PIWIL2: variants seen among roughly 807,000 people sequenced by gnomAD.
PIWIL2 encodes piwi like RNA-mediated gene silencing 2.
A neutral mutation model predicts 116.5 loss-of-function variants in PIWIL2; 81 were observed. The observed-to-expected ratio is 0.70, with a 90% CI of 0.58 to 0.84. The LOEUF is 0.84. Among genes scored for constraint, PIWIL2 ranks in the 40% least tolerant of loss-of-function variants. The probability of loss-of-function intolerance (pLI) is 0.00; values close to 1 mark genes in which losing one functional copy is unlikely to be tolerated. For synonymous variants in PIWIL2, 489 were observed against 429.5 expected (o/e 1.14, Z -1.71); for missense variants, 1,272 against 1,212.3 (o/e 1.05, Z -0.73).
chr8:22,282,684 A>C (rs1194587246), intron 4 of PIWIL2, among the ~76,000 whole-genome samples: 1 of 151,730 alleles, frequency 6.6e-6, no homozygotes, highest in East Asian at 1.9e-4. Context: ...TCGACCTCCC[A>C]GGCTGAAGTG....
intron 20 of PIWIL2, among the ~76,000 whole-genome samples, chr8:22,343,302 C>T (rs575254176): frequency 6.0e-4 from 91 of 152,200 alleles, no homozygotes; most frequent in South Asian, 1.9e-3. Context: ...ATCCTGGTGG[C>T]GCATGCCTGT....
chr8:22,282,056 A>G (rs1302292949), intron 4 of PIWIL2, among the ~76,000 whole-genome samples: 2 of 142,052 alleles, frequency 1.4e-5, no homozygotes, highest in African/African-American at 5.3e-5. Context: ...TACAGGCATG[A>G]GCCCCACTGT....
rs373960222 is a variant in PIWIL2 at position 22,311,304 on chromosome 8, A to G, written c.1989+4A>G. 17 of 1,591,138 alleles carry G rather than the reference A, an allele frequency of 1.1e-5. No homozygotes were observed. Among genetic ancestry groups the G allele is most frequent in the Non-Finnish European group, 1.5e-5 (17 of 1,168,944 alleles). ...TCAATCCACGTTAGGAGCTGAGGTA[A>G]AAATGTAATTCAAATAAATTTATAG... On this transcript the variant is annotated splice_donor_region_variant and intron_variant, in intron 16 of 22. Coordinates refer to ENST00000356766, the MANE Select transcript of PIWIL2 (RefSeq NM_018068.5).
intron 20 of PIWIL2, 82 bp downstream of exon 20, chr8:22,318,357 G>C (rs181736964): frequency 1.3e-6 from 1 of 769,410 alleles, no homozygotes; most frequent in Non-Finnish European, 2.2e-6. Context: ...CACTCTTGTC[G>C]CCCAGGTTGG....
At chr8:22,313,183 C>T (rs1174612603) in intron 16 of PIWIL2, among the ~76,000 whole-genome samples, 2 of 152,178 alleles carry the variant, frequency 1.3e-5, no homozygotes, top group Non-Finnish European at 2.9e-5. Context: ...AGCGGCCTTG[C>T]TCTGTCTGTT....
chr8:22,336,700 G>A (rs1186582034), intron 20 of PIWIL2, among the ~76,000 whole-genome samples: 1 of 152,054 alleles, frequency 6.6e-6, no homozygotes, highest in Non-Finnish European at 1.5e-5. Context: ...GAGCCCAGGA[G>A]TTCAAGACCT....
chr8:22,334,457 G>T (rs1831933467), intron 20 of PIWIL2, among the ~76,000 whole-genome samples: 1 of 151,526 alleles, frequency 6.6e-6, no homozygotes. Context: ...AGGAGGCGGA[G>T]GTTGCAGTGA....
At chr8:22,331,579 A>G (rs1831863158) in intron 20 of PIWIL2, among the ~76,000 whole-genome samples, 1 of 152,192 alleles carries the variant, frequency 6.6e-6, no homozygotes, top group Non-Finnish European at 1.5e-5. Context: ...AAAAATTGGA[A>G]TTTTTAGAAA....
chr8:22,355,148 C>T (rs1347060717), intron 22 of PIWIL2, among the ~76,000 whole-genome samples: 1 of 150,090 alleles, frequency 6.7e-6, no homozygotes, highest in Non-Finnish European at 1.5e-5. Flanking sequence ...TTACCCATGT[C>T]GTCTGACTTA....
chr8:22,288,392 T>C, intron 7 of PIWIL2, 150 bp from the exon 8 acceptor site: 1 of 511,790 alleles, frequency 2.0e-6, no homozygotes, highest in South Asian at 3.9e-5. Flanking sequence ...GCTGTGCTTT[T>C]GCTAGTGTGG....
intron 16 of PIWIL2, among the ~76,000 whole-genome samples, chr8:22,312,716 C>G (rs1374244340): frequency 6.6e-6 from 1 of 152,096 alleles, no homozygotes; most frequent in African/African-American, 2.4e-5. Flanking sequence ...TCATAGCTGA[C>G]TGTAACATGA....
chr8:22,330,858 C>T (rs1023256291), intron 20 of PIWIL2, among the ~76,000 whole-genome samples: 2 of 151,942 alleles, frequency 1.3e-5, no homozygotes, highest in Non-Finnish European at 2.9e-5. Context: ...TCTTGGCAAG[C>T]ATCATAATTC....
intron 1 of PIWIL2, among the ~76,000 whole-genome samples, chr8:22,276,282 C>A (rs1444456782): frequency 2.0e-5 from 3 of 152,188 alleles, no homozygotes; most frequent in Admixed American, 2.0e-4. Flanking sequence ...TGTATGATTT[C>A]TCTGTAGCTA....
chr8:22,309,916 G>A (rs1473495848), intron 14 of PIWIL2, 45 bp from the exon 15 acceptor site: 2 of 1,131,844 alleles, frequency 1.8e-6, no homozygotes, highest in South Asian at 1.3e-5. Context: ...TTTCTAAATA[G>A]CGTTTGAAAA....
At chr8:22,299,953 T>G (rs1206854869) in intron 10 of PIWIL2, among the ~76,000 whole-genome samples, 3 of 151,728 alleles carry the variant, frequency 2.0e-5, no homozygotes, top group Admixed American at 6.6e-5. Flanking sequence ...TTTTTTTGGG[T>G]GGGGGGAACA....
At chr8:22,283,332 T>C in intron 5 of PIWIL2, 92 bp downstream of exon 5, 2 of 980,254 alleles carry the variant, frequency 2.0e-6, no homozygotes, top group East Asian at 2.6e-5. Flanking sequence ...CTGTTTGTGT[T>C]GGGTCCTCCC....
intron 22 of PIWIL2, among the ~76,000 whole-genome samples, chr8:22,354,664 T>C (rs1832450034): frequency 6.6e-6 from 1 of 152,232 alleles, no homozygotes; most frequent in African/African-American, 2.4e-5. Flanking sequence ...ACAGCCAGAC[T>C]TGAGACCCAG....
intron 20 of PIWIL2, among the ~76,000 whole-genome samples, chr8:22,351,758 T>G (rs1482802731): frequency 6.6e-6 from 1 of 151,448 alleles, no homozygotes. Context: ...AGGGTGGTCT[T>G]GAACTTCTGA....
In PIWIL2 at chr8:22,288,527, GTATT is replaced by G. The variant is rs1320719263; in HGVS notation, c.862-9_862-6del. The G allele has an allele frequency of 3.7e-6, 6 of 1,607,438 alleles. No individual in the cohort carries two copies. The highest frequency in any genetic ancestry group is 1.1e-5 in the South Asian group (1 of 90,730). On this transcript the variant is annotated splice_polypyrimidine_tract_variant and intron_variant, in intron 7 of 22. Coordinates refer to ENST00000356766, the MANE Select transcript of PIWIL2 (RefSeq NM_018068.5). ...TTTTGTCATTTTGTTTCACCTGTGT[GTATT>G]TATTTGTTAGGTTCTTGAGTTAAAA...
Sources: allele counts gnomAD v4.1 joint callset (sites outside exome capture counted in the v4.1 genomes callset), GRCh38; gene constraint gnomAD v4.1.1; transcripts MANE v1.5; gene names NCBI Gene and HGNC (gene_info 2026-07-23, HGNC 2026-07-21).